The following PRRX1 variants were observed in gnomAD, a reference collection of about 807,000 sequenced individuals.
PRRX1 encodes paired mesoderm homeobox protein 1.
In PRRX1, 8 loss-of-function variants were observed where a neutral mutation model predicts 24.0. The ratio of observed to expected loss-of-function variants is 0.33; its 90% confidence interval spans 0.20 to 0.60. PRRX1 has a LOEUF of 0.60. Ranked by LOEUF, PRRX1 falls within the 20% of genes least tolerant of loss-of-function variation. The pLI, the probability that PRRX1 is intolerant of heterozygous loss-of-function variation, is 0.82. For synonymous variants in PRRX1, 160 were observed against 131.7 expected (o/e 1.22, Z -1.47); for missense variants, 281 against 322.4 (o/e 0.87, Z 0.98).
intron 1 of PRRX1, among the ~76,000 whole-genome samples, chr1:170,717,448 A>G (rs1467708231): frequency 2.6e-5 from 4 of 152,236 alleles, no homozygotes; most frequent in Non-Finnish European, 5.9e-5. Flanking sequence ...AACATAAAAG[A>G]TTTATAATTT....
intron 1 of PRRX1, among the ~76,000 whole-genome samples, chr1:170,675,947 TA>T (rs1298800450): frequency 6.6e-6 from 1 of 152,066 alleles, no homozygotes; most frequent in Non-Finnish European, 1.5e-5. Flanking sequence ...ACTTGCCTAA[TA>T]AAAGTTTCTG....
intron 3 of PRRX1, among the ~76,000 whole-genome samples, chr1:170,735,728 A>C (rs909685783): frequency 6.6e-6 from 1 of 152,172 alleles, no homozygotes; most frequent in Non-Finnish European, 1.5e-5. Flanking sequence ...CTGATGAAAC[A>C]CCTGCTATTC....
intron 1 of PRRX1, chr1:170,667,457 A>C (rs756196902): frequency 1.3e-5 from 2 of 152,174 alleles, no homozygotes; most frequent in African/African-American, 2.4e-5. Flanking sequence ...GGGCCTGACG[A>C]GTCTTATGGT....
intron 1 of PRRX1, among the ~76,000 whole-genome samples, chr1:170,713,911 T>C (rs565803611): frequency 1.3e-5 from 2 of 152,024 alleles, no homozygotes; most frequent in Non-Finnish European, 2.9e-5. Context: ...AGCTGCACAG[T>C]TGGGTATTTG....
chr1:170,684,239 CT>C (rs1434161102), intron 1 of PRRX1, among the ~76,000 whole-genome samples: 1 of 152,218 alleles, frequency 6.6e-6, no homozygotes, highest in Non-Finnish European at 1.5e-5. Context: ...TTCTTCCAGT[CT>C]TTTATTCTCT....
At chr1:170,690,035 G>A (rs895627663) in intron 1 of PRRX1, among the ~76,000 whole-genome samples, 5 of 151,708 alleles carry the variant, frequency 3.3e-5, no homozygotes, top group Admixed American at 1.3e-4. Flanking sequence ...ACAATATATC[G>A]CTTGGAAAAT....
chr1:170,731,059 A>T lies in PRRX1; in HGVS notation c.599+4658A>T, dbSNP rs540149996. Among the ~76,000 whole-genome samples the T allele has an allele frequency of 9.2e-5, 14 of 152,362 alleles. No homozygotes were observed. In the South Asian group the frequency reaches 2.9e-3, roughly 32 times the overall value. Reference sequence around the variant, plus strand: ...ACTTTAAGAGATAAATATACGTATTAGAAAATCAACTTCTGAATTTCAAAA... The same window carrying T: ...ACTTTAAGAGATAAATATACGTATTTGAAAATCAACTTCTGAATTTCAAAA... On this transcript the variant is annotated intron_variant, in intron 3 of 3. Coordinates refer to ENST00000239461, the MANE Select transcript of PRRX1 (RefSeq NM_022716.4).
At chr1:170,728,209 T>C (rs933559703) in intron 3 of PRRX1, 12 of 152,244 alleles carry the variant, frequency 7.9e-5, no homozygotes, top group African/African-American at 2.9e-4. Flanking sequence ...GATGAAATCA[T>C]TCCTGAATTA....
chr1:170,726,416 C>T lies in PRRX1; in HGVS notation c.599+15C>T. On this transcript the variant is annotated intron_variant, in intron 3 of 3. Coordinates refer to ENST00000239461, the MANE Select transcript of PRRX1 (RefSeq NM_022716.4). ...TCTCCGTACAGGTGAATGACTGGCC[C>T]ACTCTCCCTTGCTCCACTTCCACAT... The T allele has an allele frequency of 1.2e-6, 2 of 1,612,222 alleles. No homozygotes were observed. The highest frequency in any genetic ancestry group is 2.2e-5 in the South Asian group (2 of 91,008).
Position 170,726,510 on chromosome 1 carries a change from T to C in PRRX1, c.599+109T>C, listed in dbSNP as rs1159251167. ...ACCGACATTTCTTACTGGGTTAATC[T>C]CTTCAGAGACATTCAACTTGCTGAC... On this transcript the variant is annotated intron_variant, in intron 3 of 3. Transcript: ENST00000239461. 3.8e-6 allele frequency: 5 copies of C among 1,315,550 alleles called. No individual in the cohort carries two copies. The African/African-American group carries it at 7.4e-5, about 19-fold the overall frequency. The allele number at this position is 1,315,550 out of a possible 1,614,324, so 81.5% of individuals were successfully genotyped here. A position where few individuals can be genotyped will look rare whatever the true frequency, so the allele number is the denominator to read the frequency against.
chr1:170,668,137 G>C (rs1571310224), intron 1 of PRRX1: 1 of 152,196 alleles, frequency 6.6e-6, no homozygotes, highest in Non-Finnish European at 1.5e-5. Flanking sequence ...CAAAGAAATA[G>C]TTCTTTAACA....
chr1:170,736,566 A>T lies in PRRX1; in HGVS notation c.*380A>T, dbSNP rs1025490915. ...AAACTATATATATATATATATATAT[A>T]TATATCCAGAATGATTGCCTCTACT... On this transcript the variant is annotated 3_prime_UTR_variant, in exon 4 of 4. Transcript: ENST00000239461. 1.6e-5 allele frequency: 3 copies of T among 182,556 alleles called. No homozygotes were observed. Among genetic ancestry groups the T allele is most frequent in the African/African-American group, 8.6e-5 (3 of 34,718 alleles). 11.3% of individuals were successfully genotyped at this position (182,556 alleles called of 1,614,324 possible). A position where few individuals can be genotyped will look rare whatever the true frequency, so the allele number is the denominator to read the frequency against.
At chr1:170,720,204 G>T (rs1209352207) in intron 2 of PRRX1, among the ~76,000 whole-genome samples, 1 of 152,162 alleles carries the variant, frequency 6.6e-6, no homozygotes, top group African/African-American at 2.4e-5. Flanking sequence ...CTTGAGCCTG[G>T]GGGGTGGAGG....
chr1:170,664,543 G>T (rs978218595), intron 1 of PRRX1, 84 bp downstream of exon 1: 1 of 1,503,804 alleles, frequency 6.6e-7, no homozygotes, highest in African/African-American at 1.4e-5. Flanking sequence ...GCCCGTCCGC[G>T]GCCAGAAAGA....
At chr1:170,696,859 C>A (rs145730469) in intron 1 of PRRX1, among the ~76,000 whole-genome samples, 149 of 152,298 alleles carry the variant, frequency 9.8e-4, no homozygotes, top group African/African-American at 3.4e-3. Context: ...CTCATTCCTC[C>A]ATGAGTTAAT....
At chr1:170,689,599 A>ATGTTTT (rs1244509337) in intron 1 of PRRX1, among the ~76,000 whole-genome samples, 14 of 152,068 alleles carry the variant, frequency 9.2e-5, no homozygotes, top group African/African-American at 2.7e-4. Flanking sequence ...CAAGAAGCAC[A>ATGTTTT]TGTTTTTGTT....
Position 170,736,289 on chromosome 1 carries a change from A to G in PRRX1, c.*103A>G, listed in dbSNP as rs538527595. 1 of 1,445,458 alleles carries G rather than the reference A, an allele frequency of 6.9e-7. No homozygotes were observed. Among genetic ancestry groups the G allele is most frequent in the Admixed American group, 1.9e-5 (1 of 51,634 alleles). The allele number at this position is 1,445,458 out of a possible 1,614,324, so 89.5% of individuals were successfully genotyped here. A position where few individuals can be genotyped will look rare whatever the true frequency, so the allele number is the denominator to read the frequency against. ...CTGCTGGGGGGAAAAAGTAAATTACAAACAAACAAACAAAGCAGAACTAAA... is the reference window on the plus strand; with the variant it reads ...CTGCTGGGGGGAAAAAGTAAATTACGAACAAACAAACAAAGCAGAACTAAA... On this transcript the variant is annotated 3_prime_UTR_variant, in exon 4 of 4. Coordinates refer to ENST00000239461, the MANE Select transcript of PRRX1 (RefSeq NM_022716.4).
chr1:170,695,518 C>A (rs1654138067), intron 1 of PRRX1, among the ~76,000 whole-genome samples: 1 of 152,308 alleles, frequency 6.6e-6, no homozygotes, highest in East Asian at 1.9e-4. Flanking sequence ...GGCTATTCTT[C>A]TCTGCTGGGG....
intron 1 of PRRX1, among the ~76,000 whole-genome samples, chr1:170,708,361 C>T (rs897900461): frequency 6.6e-6 from 1 of 152,118 alleles, no homozygotes; most frequent in Admixed American, 6.5e-5. Flanking sequence ...CATCGGCTTC[C>T]TTACTAGTTA....
Sources: allele counts gnomAD v4.1 joint callset (sites outside exome capture counted in the v4.1 genomes callset), GRCh38; gene constraint gnomAD v4.1.1; transcripts MANE v1.5; gene names NCBI Gene and HGNC (gene_info 2026-07-23, HGNC 2026-07-21).